The following COLQ variants were observed in gnomAD, a reference collection of about 807,000 sequenced individuals.
The protein encoded by COLQ is collagen like tail subunit of asymmetric acetylcholinesterase, also known as acetylcholinesterase collagenic tail peptide.
A neutral mutation model predicts 69.0 loss-of-function variants in COLQ; 48 were observed. The ratio of observed to expected loss-of-function variants is 0.70; its 90% CI spans 0.55 to 0.88. COLQ has a LOEUF of 0.88. Ranked by LOEUF, COLQ falls within the 40% of genes least tolerant of loss-of-function variation. COLQ has a pLI of 0.00. For missense variants in COLQ, 618 were observed against 594.6 expected, an observed-to-expected ratio of 1.04 and a Z score of -0.41; for synonymous variants, 217 against 211.2, an observed-to-expected ratio of 1.03 and a Z score of -0.24.
At chr3:15,498,195 A>G (rs944866476) in intron 1 of COLQ, among the ~76,000 whole-genome samples, 4 of 152,136 alleles carry the variant, frequency 2.6e-5, no homozygotes, top group African/African-American at 9.7e-5. Context: ...AGCTGCCAGC[A>G]CAAGGTACTT....
chr3:15,512,136 A>G (rs1181160157), intron 1 of COLQ, among the ~76,000 whole-genome samples: 2 of 152,204 alleles, frequency 1.3e-5, no homozygotes, highest in Non-Finnish European at 2.9e-5. Flanking sequence ...TGCCTTCTCC[A>G]AACTTCTCAA....
At chr3:15,497,211 T>G (rs1356460235) in intron 1 of COLQ, among the ~76,000 whole-genome samples, 1 of 152,010 alleles carries the variant, frequency 6.6e-6, no homozygotes, top group Non-Finnish European at 1.5e-5. Flanking sequence ...GCCTGGCTAA[T>G]TTTTGTATTT....
At chr3:15,516,080 C>T (rs2063057378) in intron 1 of COLQ, among the ~76,000 whole-genome samples, 1 of 152,156 alleles carries the variant, frequency 6.6e-6, no homozygotes, top group African/African-American at 2.4e-5. Flanking sequence ...CTGCTGCACG[C>T]AGAGGCTTGG....
chr3:15,484,207 T>C (rs1223834978), intron 3 of COLQ, among the ~76,000 whole-genome samples: 4 of 152,250 alleles, frequency 2.6e-5, no homozygotes, highest in African/African-American at 9.6e-5. Flanking sequence ...ATTTACCCAT[T>C]TACATTTAAG....
At chr3:15,489,202 T>C (rs532000789) in intron 2 of COLQ, among the ~76,000 whole-genome samples, 3 of 152,240 alleles carry the variant, frequency 2.0e-5, no homozygotes, top group East Asian at 1.9e-4. Flanking sequence ...AATTCCATGT[T>C]TGAGCAGCTG....
chr3:15,514,696 G>C (rs1264843624), intron 1 of COLQ, among the ~76,000 whole-genome samples: 1 of 152,154 alleles, frequency 6.6e-6, no homozygotes, highest in African/African-American at 2.4e-5. Context: ...AGAAGAAGGG[G>C]AAGGCAGAGG....
chr3:15,484,819 A>G (rs1381717938), intron 3 of COLQ, among the ~76,000 whole-genome samples: 1 of 152,128 alleles, frequency 6.6e-6, no homozygotes, highest in Non-Finnish European at 1.5e-5. Context: ...CCATTCATCT[A>G]ATCTTTTTTC....
At chr3:15,460,594 A>C (rs1233638449) in intron 12 of COLQ, among the ~76,000 whole-genome samples, 1 of 152,212 alleles carries the variant, frequency 6.6e-6, no homozygotes, top group African/African-American at 2.4e-5. Context: ...AAAACACTGC[A>C]GTCGGAGGAG....
intron 12 of COLQ, among the ~76,000 whole-genome samples, chr3:15,465,894 C>T (rs2062192793): frequency 6.6e-6 from 1 of 152,172 alleles, no homozygotes; most frequent in African/African-American, 2.4e-5. Context: ...CGTGAGCCAC[C>T]CATGCCCAGC....
chr3:15,491,530 G>C (rs1333469841), intron 1 of COLQ, among the ~76,000 whole-genome samples: 3 of 152,198 alleles, frequency 2.0e-5, no homozygotes, highest in Non-Finnish European at 2.9e-5. Context: ...CGGTGTCCAC[G>C]GGAATGGTAG....
intron 8 of COLQ, among the ~76,000 whole-genome samples, 165 bp from the exon 9 acceptor site, chr3:15,474,437 T>C (rs1367384684): frequency 6.6e-6 from 1 of 152,238 alleles, no homozygotes; most frequent in African/African-American, 2.4e-5. Context: ...CTTTGTGATC[T>C]ACTTCTTGTT....
At chr3:15,495,739 T>C (rs954633349) in intron 1 of COLQ, among the ~76,000 whole-genome samples, 18 of 152,196 alleles carry the variant, frequency 1.2e-4, no homozygotes, top group African/African-American at 4.3e-4. Context: ...TATGGATACA[T>C]TGTTCCCGAA....
Position 15,453,849 on chromosome 3 carries a change from T to C in COLQ, c.1278A>G (p.Thr426=), listed in dbSNP as rs745502271. 4.3e-6 allele frequency: 7 copies of C among 1,611,470 alleles called. No homozygotes were observed. The African/African-American group carries it at 8.0e-5, about 18-fold the overall frequency. The part of the protein sequence containing the change: ...DCDGSDFGYL[T]CETYLPGSYG... ...CCTACCCAGGGAGATAGGTCTCGCATGTCAGGTAGCCAAAGTCAGAGCCGT... is the reference window on the plus strand; with the variant it reads ...CCTACCCAGGGAGATAGGTCTCGCACGTCAGGTAGCCAAAGTCAGAGCCGT... The change falls in exon 16 of 17, where the codon ACA becomes ACG. Residue 426 remains threonine (T), a synonymous_variant. Transcript: ENST00000383788.
At chr3:15,510,093 G>A (rs530994950) in intron 1 of COLQ, among the ~76,000 whole-genome samples, 62 of 152,160 alleles carry the variant, frequency 4.1e-4, no homozygotes, top group African/African-American at 1.1e-3. Context: ...GGAGAATGGC[G>A]TGAGCCCCGG....
At chr3:15,506,904 GCTT>G (rs1443041638) in intron 1 of COLQ, 1 of 152,168 alleles carries the variant, frequency 6.6e-6, no homozygotes, top group Non-Finnish European at 1.5e-5. Context: ...AGTGCACCAG[GCTT>G]TTCACAGTAT....
intron 11 of COLQ, among the ~76,000 whole-genome samples, chr3:15,469,018 G>A (rs1357871555): frequency 6.6e-6 from 1 of 152,180 alleles, no homozygotes; most frequent in African/African-American, 2.4e-5. Flanking sequence ...TATGCTGGGA[G>A]ATTAATTCAT....
intron 1 of COLQ, among the ~76,000 whole-genome samples, chr3:15,518,777 G>C (rs933313647): frequency 2.0e-5 from 3 of 152,146 alleles, no homozygotes; most frequent in Non-Finnish European, 2.9e-5. Context: ...AAAAGCAGGT[G>C]ATCATGGAAT....
chr3:15,488,369 T>A (rs1411740795), intron 2 of COLQ, 62 bp from the exon 3 acceptor site: 1 of 1,393,288 alleles, frequency 7.2e-7, no homozygotes, highest in African/African-American at 1.4e-5. Context: ...AGGGTCACCA[T>A]CCTGGACACA....
chr3:15,463,356 G>C (rs1034102852), intron 12 of COLQ, among the ~76,000 whole-genome samples: 2 of 146,666 alleles, frequency 1.4e-5, no homozygotes, highest in Admixed American at 6.7e-5. Context: ...TTTGTTTTTT[G>C]TTTTTTTTGA....
Sources: allele counts gnomAD v4.1 joint callset (sites outside exome capture counted in the v4.1 genomes callset), GRCh38; gene constraint gnomAD v4.1.1; transcripts MANE v1.5; gene names NCBI Gene and HGNC (gene_info 2026-07-23, HGNC 2026-07-21).